The following PKD1 variants were observed in gnomAD, a reference collection of about 807,000 sequenced individuals.
PKD1 encodes the protein polycystin-1.
PKD1 carries 81 observed loss-of-function variants against 361.7 expected under a neutral mutation model. That is an observed-to-expected ratio of 0.22 (90% CI 0.19 to 0.27). The LOEUF is 0.27. PKD1 is among the 10% of genes least tolerant of loss of function. The probability of loss-of-function intolerance (pLI) is 1.00; values close to 1 mark genes in which losing one functional copy is unlikely to be tolerated. For missense variants in PKD1, 6,399 were observed against 6,118.3 expected (o/e 1.05, Z -1.53); for synonymous variants, 3,615 against 2,818.3 (o/e 1.28, Z -8.95).
At chr16:2,121,206 A>C (rs951610034) in intron 1 of PKD1, among the ~76,000 whole-genome samples, 2 of 151,292 alleles carry the variant, frequency 1.3e-5, no homozygotes, top group African/African-American at 4.9e-5. Context: ...TCTCTACCAA[A>C]ACTACAGAAT....
chr16:2,111,732 G>C lies in PKD1; in HGVS notation c.3435C>G (p.Thr1145=). 1 of 1,597,264 alleles carries C rather than the reference G, an allele frequency of 6.3e-7. No individual in the cohort carries two copies. The highest frequency in any genetic ancestry group is 2.3e-5 in the East Asian group (1 of 44,252). ...DGVLVAGRPV[T]FYPHPLPSPG... The stretch of plus-strand genomic sequence containing the variant: ...GCGAGGGCAGCGGGTGCGGGTAGAA[G>C]GTGACGGGCCGGCCGGCCACCAGGA... The change falls in exon 15 of 46, where the codon ACC becomes ACG. Residue 1145 remains threonine (T), a synonymous_variant. Transcript: ENST00000262304.
At chr16:2,107,195 G>A (rs561012009) in intron 16 of PKD1, 66 of 560,532 alleles carry the variant, frequency 1.2e-4, no homozygotes, top group Middle Eastern at 5.0e-4. Context: ...CTGGACCCTA[G>A]CAGGAGGCAG....
rs770590637 is a variant in PKD1 at position 2,108,972 on chromosome 16, G to A, written c.6195C>T (p.Ala2065=). The change falls in exon 15 of 46, where the codon GCC becomes GCT. Residue 2065 remains alanine, a synonymous_variant. Transcript: ENST00000262304. The part of the protein sequence containing the change: ...LEVQDAVQYV[A]LQSGPCFTNR... ...TGGTGAAGCAGGGGCCGCTCTGCAG[G>A]GCCACATACTGGACGGCGTCCTGAA... is the stretch of plus-strand genomic sequence containing the variant. The A allele has an allele frequency of 1.3e-5, 21 of 1,609,758 alleles. No individual in the cohort carries two copies. The highest frequency in any genetic ancestry group is 4.2e-4 in the Middle Eastern group (2 of 4,742).
In PKD1 at chr16:2,092,064, T is replaced by C; in HGVS notation, c.11394A>G (p.Ser3798=). Residue 3798 remains serine, a synonymous_variant, in exon 40 of 46, where the codon TCA becomes TCG. Transcript: ENST00000262304. ...PHNGSGTWAY[S]APDLLGAWSW... is the part of the protein sequence containing the mutation. ...CTGCTCACCCCAGCAGATCCGGCGC[T>C]GAATAGGCCCACGTCCCCGAGCCAT... The C allele has an allele frequency of 6.2e-7, 1 of 1,612,750 alleles. No homozygotes were observed. The highest frequency in any genetic ancestry group is 8.5e-7 in the Non-Finnish European group (1 of 1,179,974).
chr16:2,091,091 C>T lies in PKD1; in HGVS notation c.11796G>A (p.Arg3932=). 1 of 1,503,350 alleles carries T rather than the reference C, an allele frequency of 6.7e-7. No individual in the cohort carries two copies. The highest frequency in any genetic ancestry group is 8.8e-7 in the Non-Finnish European group (1 of 1,131,500). 93.1% of individuals were successfully genotyped at this position (1,503,350 alleles called of 1,614,324 possible). A position where few individuals can be genotyped will look rare whatever the true frequency, so the allele number is the denominator to read the frequency against. Residue 3932 remains arginine, a synonymous_variant, in exon 43 of 46, where the codon CGG becomes CGA. Coordinates refer to ENST00000262304, the MANE Select transcript of PKD1 (RefSeq NM_001009944.3). The part of the protein sequence containing the change: ...WHREGRWRVL[R]LGAWARWLLV... ...GCAGCCACCGCGCCCAGGCTCCGAG[C>T]CGCAGCACGCGCCAGCGCCCTTCCC... is the stretch of plus-strand genomic sequence containing the variant.
chr16:2,127,253 CA>C (rs2092810902), intron 1 of PKD1, among the ~76,000 whole-genome samples: 1 of 152,224 alleles, frequency 6.6e-6, no homozygotes, highest in African/African-American at 2.4e-5. Context: ...GTCAAAAGAA[CA>C]AAAGGAGTGA....
chr16:2,089,941 G>A lies in PKD1; in HGVS notation c.12698C>T (p.Thr4233Ile), dbSNP rs777745448. The A allele has an allele frequency of 5.6e-6, 9 of 1,612,350 alleles. No homozygotes were observed. Among genetic ancestry groups the A allele is most frequent in the Admixed American group, 1.7e-5 (1 of 59,972 alleles). Reference sequence around the variant, plus strand: ...CTGCTCCAGCTGGTAGACGTCCTCTGTGGCCTGGTTGAGTCGGTCAAACTG... The same window carrying A: ...CTGCTCCAGCTGGTAGACGTCCTCTATGGCCTGGTTGAGTCGGTCAAACTG... ...LTQFDRLNQA[T>I]EDVYQLEQQL... The change falls in exon 46 of 46, where the codon ACA becomes ATA. Residue 4233 changes from threonine to isoleucine, a missense_variant. Transcript: ENST00000262304.
At chr16:2,104,782 C>T (rs1348965020) in intron 21 of PKD1, 140 bp from the exon 22 acceptor site, 7 of 786,924 alleles carry the variant, frequency 8.9e-6, no homozygotes, top group Non-Finnish European at 1.5e-5. Flanking sequence ...CCACAGCCTC[C>T]TCACTAAGCA....
intron 20 of PKD1, 63 bp downstream of exon 20, chr16:2,105,802 T>G: frequency 6.6e-7 from 1 of 1,515,738 alleles, no homozygotes; most frequent in Non-Finnish European, 9.0e-7. Flanking sequence ...CAGGCAGGGG[T>G]ACAGGTCTTG....
chr16:2,112,675 C>T, intron 13 of PKD1, 113 bp downstream of exon 13: 1 of 1,246,850 alleles, frequency 8.0e-7, no homozygotes, highest in Non-Finnish European at 1.1e-6. Flanking sequence ...TCCCAACAGA[C>T]AGGGAAACCG....
rs1006941492 is a variant in PKD1 at position 2,097,338 on chromosome 16, G to C, written c.10386C>G (p.Ala3462=). ...GFSLASPYSP[A]KSFSASDEDL... is the part of the protein sequence containing the mutation. ...GCTCACCTGATGCTGAGAAGGATTT[G>C]GCAGGCGAGTAGGGGCTGGCCAGGG... The change falls in exon 33 of 46, where the codon GCC becomes GCG. Residue 3462 remains alanine (A), a synonymous_variant. Coordinates refer to ENST00000262304, the MANE Select transcript of PKD1 (RefSeq NM_001009944.3). 7 of 1,612,796 alleles carry C rather than the reference G, an allele frequency of 4.3e-6. No homozygotes were observed. Among genetic ancestry groups the C allele is most frequent in the Non-Finnish European group, 5.9e-6 (7 of 1,179,992 alleles).
Position 2,100,718 on chromosome 16 carries a change from C to T in PKD1, c.9398-152G>A, listed in dbSNP as rs1050207539. On this transcript the variant is annotated intron_variant, in intron 26 of 45. Coordinates refer to ENST00000262304, the MANE Select transcript of PKD1 (RefSeq NM_001009944.3). This position sits in a 1 kb window ranked among gnomAD's most constrained non-coding sequence, Gnocchi z 4.4. ...CGGCTCTGCCATACACAAGGAGCTGCGGTTACTGCAATTTGTCCAATTAAC... is the reference window on the plus strand; with the variant it reads ...CGGCTCTGCCATACACAAGGAGCTGTGGTTACTGCAATTTGTCCAATTAAC... 1.1e-5 allele frequency: 7 copies of T among 640,120 alleles called. No homozygotes were observed. Among genetic ancestry groups the T allele is most frequent in the Non-Finnish European group, 1.9e-5 (7 of 361,902 alleles). The allele number at this position is 640,120 out of a possible 1,614,324, so 39.7% of individuals were successfully genotyped here. A position where few individuals can be genotyped will look rare whatever the true frequency, so the allele number is the denominator to read the frequency against.
intron 1 of PKD1, chr16:2,119,813 G>A: frequency 1.4e-6 from 1 of 695,880 alleles, no homozygotes; most frequent in Non-Finnish European, 2.6e-6. Flanking sequence ...TGGTCCCACT[G>A]TGGGACCACA....
rs758082560 is a variant in PKD1 at position 2,110,380 on chromosome 16, G to A, written c.4787C>T (p.Thr1596Ile). The A allele has an allele frequency of 2.5e-6, 4 of 1,612,618 alleles. No individual in the cohort carries two copies. Among genetic ancestry groups the A allele is most frequent in the Non-Finnish European group, 3.4e-6 (4 of 1,179,850 alleles). The change falls in exon 15 of 46, where the codon ACC (threonine) becomes ATC (isoleucine). Residue 1596 changes from threonine to isoleucine, a missense_variant. Physicochemically the swap from Thr to Ile is moderately conservative, Grantham distance 89 (BLOSUM62 -1). Coordinates refer to ENST00000262304, the MANE Select transcript of PKD1 (RefSeq NM_001009944.3). ...CACGGAGCGGAAGGTGTAAGAGATG[G>A]TAGGACCCCCAGGGATGGGCGTGCA... ...DRCTPIPGGP[T>I]ISYTFRSVGT...
chr16:2,093,018 C>T lies in PKD1; in HGVS notation c.11092G>A (p.Ala3698Thr). The stretch of plus-strand genomic sequence containing the variant: ...TTGATGGCGCTTTGCAGACGGTAGG[C>T]GTGCCCATGGCATGAGGCATCCCCA... ...SYGDASCHGH[A>T]YRLQSAIKQE... The change falls in exon 38 of 46, where the codon GCC becomes ACC. Residue 3698 changes from alanine to threonine, a missense_variant. By Grantham distance (58) the Ala-to-Thr change is moderately conservative (BLOSUM62 0). Transcript: ENST00000262304. 3.1e-6 allele frequency: 5 copies of T among 1,612,912 alleles called. No homozygotes were observed. The highest frequency in any genetic ancestry group is 1.1e-5 in the South Asian group (1 of 91,088).
At chr16:2,132,559 A>G (rs2151852752) in intron 1 of PKD1, among the ~76,000 whole-genome samples, 1 of 141,688 alleles carries the variant, frequency 7.1e-6, no homozygotes, top group African/African-American at 2.7e-5. Context: ...TGGAGACAAG[A>G]GCAAGACTCC....
At chr16:2,108,113 G>A (rs535678890) in intron 15 of PKD1, 81 bp from the exon 16 acceptor site, 53 of 1,530,988 alleles carry the variant, frequency 3.5e-5, no homozygotes, top group African/African-American at 1.6e-4. Flanking sequence ...GAGACAGCGC[G>A]GGAGACCCCC....
At chr16:2,098,262 G>A in intron 30 of PKD1, 1 of 511,978 alleles carries the variant, frequency 2.0e-6, no homozygotes, top group Non-Finnish European at 3.6e-6. Flanking sequence ...AGGCTGGAGT[G>A]CAATGGCGCA....
Position 2,093,673 on chromosome 16 carries a change from G to A in PKD1, c.10887C>T (p.Thr3629=), listed in dbSNP as rs1365330838. Residue 3629 remains threonine, a synonymous_variant, in exon 37 of 46, where the codon ACC becomes ACT. Transcript: ENST00000262304. ...AKRLHPDEDD[T]LVESPAVTPV... is the part of the protein sequence containing the mutation. The stretch of plus-strand genomic sequence containing the variant: ...GCGTCACAGCCGGGCTCTCTACCAG[G>A]GTGTCATCTTCATCCGGGTGCAGCC... The A allele has an allele frequency of 2.5e-6, 4 of 1,606,816 alleles. No individual in the cohort carries two copies. The highest frequency in any genetic ancestry group is 1.1e-5 in the South Asian group (1 of 89,918).
Sources: gnomAD v4.1 joint callset for allele counts (sites outside exome capture counted in the v4.1 genomes callset) on GRCh38, gnomAD v4.1.1 for gene constraint, Gnocchi (gnomAD v3.1) non-coding constraint, MANE v1.5 for transcripts, NCBI Gene and HGNC (gene_info 2026-07-23, HGNC 2026-07-21) for gene names.